Variants in SGCZ observed in about 807,000 individuals in gnomAD.
SGCZ encodes the protein sarcoglycan zeta, also known as zeta-sarcoglycan.
SGCZ carries 40 observed loss-of-function variants against 41.3 expected under a neutral mutation model. The ratio of observed to expected loss-of-function variants is 0.97; its 90% CI spans 0.75 to 1.26. The LOEUF (loss-of-function observed/expected upper bound fraction) is 1.26. SGCZ is among the 50% of genes most tolerant of loss of function. The probability of loss-of-function intolerance (pLI) is 0.00; values close to 1 mark genes in which losing one functional copy is unlikely to be tolerated. For missense variants in SGCZ, 552 were observed against 369.8 expected (o/e 1.49, Z -4.04); for synonymous variants, 206 against 137.5 (o/e 1.50, Z -3.49).
At chr8:14,397,355 A>C (rs954300487) in intron 2 of SGCZ, among the ~76,000 whole-genome samples, 3 of 152,186 alleles carry the variant, frequency 2.0e-5, no homozygotes, top group African/African-American at 7.2e-5. Flanking sequence ...CTTCCCAATT[A>C]AAATAAATAT....
intron 4 of SGCZ, among the ~76,000 whole-genome samples, chr8:14,199,121 T>C (rs1006910295): frequency 1.3e-5 from 2 of 152,202 alleles, no homozygotes; most frequent in Admixed American, 1.3e-4. Flanking sequence ...AACAGAGCCA[T>C]ATTTCTCTTC....
intron 5 of SGCZ, among the ~76,000 whole-genome samples, chr8:14,137,806 T>G (rs186171106): frequency 6.6e-6 from 1 of 152,202 alleles, no homozygotes; most frequent in African/African-American, 2.4e-5. Flanking sequence ...CAGACCAACA[T>G]TGAAATTCAG....
intron 4 of SGCZ, among the ~76,000 whole-genome samples, chr8:14,177,179 T>C (rs1804568802): frequency 6.6e-6 from 1 of 152,048 alleles, no homozygotes; most frequent in Admixed American, 6.5e-5. Flanking sequence ...CAGATGAGTA[T>C]GGGGACACTT....
intron 1 of SGCZ, among the ~76,000 whole-genome samples, chr8:14,821,856 T>C (rs1014222520): frequency 1.3e-5 from 2 of 152,074 alleles, no homozygotes; most frequent in East Asian, 1.9e-4. Flanking sequence ...GCTACTATCA[T>C]ACCGAATGGG....
chr8:14,242,022 G>C (rs930702685), intron 3 of SGCZ, among the ~76,000 whole-genome samples: 2 of 152,184 alleles, frequency 1.3e-5, no homozygotes, highest in Non-Finnish European at 2.9e-5. Context: ...AAAAGAGAAA[G>C]AAAGGAGACA....
chr8:14,192,764 A>G (rs938709603), intron 4 of SGCZ, among the ~76,000 whole-genome samples: 1 of 152,056 alleles, frequency 6.6e-6, no homozygotes, highest in Non-Finnish European at 1.5e-5. Context: ...AAAACAATGG[A>G]AAGTTTTCAT....
intron 2 of SGCZ, among the ~76,000 whole-genome samples, chr8:14,433,472 C>A (rs1042801432): frequency 2.0e-5 from 3 of 152,058 alleles, no homozygotes; most frequent in African/African-American, 7.2e-5. Flanking sequence ...AGGAAAAAAT[C>A]ATCAACTCTA....
intron 2 of SGCZ, among the ~76,000 whole-genome samples, chr8:14,417,618 A>G (rs1220990065): frequency 6.6e-6 from 1 of 151,874 alleles, no homozygotes; most frequent in South Asian, 2.1e-4. Flanking sequence ...AATATTTACA[A>G]TATTTTGAAT....
At chr8:14,809,096 G>GGGT in intron 1 of SGCZ, among the ~76,000 whole-genome samples, 1 of 141,628 alleles carries the variant, frequency 7.1e-6, no homozygotes, top group Non-Finnish European at 1.5e-5. Flanking sequence ...GGGTGGAGGG[G>GGGT]GGAGGGATAG....
intron 1 of SGCZ, among the ~76,000 whole-genome samples, chr8:14,739,222 G>A (rs904203333): frequency 6.6e-6 from 1 of 151,862 alleles, no homozygotes; most frequent in Non-Finnish European, 1.5e-5. Context: ...ATGATAAAGG[G>A]CTGGTTCATA....
At chr8:14,394,004 C>A (rs953126605) in intron 2 of SGCZ, among the ~76,000 whole-genome samples, 6 of 152,044 alleles carry the variant, frequency 3.9e-5, no homozygotes, top group Non-Finnish European at 2.9e-5. Context: ...AGCACCTTTT[C>A]TTGAAAGTAA....
chr8:15,033,450 G>T (rs530504690), intron 1 of SGCZ, among the ~76,000 whole-genome samples: 78 of 152,118 alleles, frequency 5.1e-4, no homozygotes, highest in African/African-American at 1.8e-3. Context: ...TGGCCCCAGG[G>T]TCCAGGCAGG....
chr8:14,265,548 C>T (rs1340732840), intron 3 of SGCZ, among the ~76,000 whole-genome samples: 2 of 151,982 alleles, frequency 1.3e-5, no homozygotes, highest in Admixed American at 6.6e-5. Context: ...GAAACAGCTA[C>T]AAGAACAGAT....
intron 2 of SGCZ, among the ~76,000 whole-genome samples, chr8:14,473,339 G>A (rs1230306012): frequency 6.6e-6 from 1 of 151,990 alleles, no homozygotes; most frequent in Non-Finnish European, 1.5e-5. Context: ...TCCTCCATAT[G>A]CTGTTGCATT....
At chr8:15,154,764 ACAGT>A (rs1309713744) in intron 1 of SGCZ, among the ~76,000 whole-genome samples, 4 of 152,214 alleles carry the variant, frequency 2.6e-5, no homozygotes, top group Admixed American at 6.5e-5. Flanking sequence ...TTCGACTGAG[ACAGT>A]CAGTCAAGAC....
intron 2 of SGCZ, among the ~76,000 whole-genome samples, chr8:14,401,784 G>A (rs540714348): frequency 0.033 from 4,967 of 149,752 alleles, 257 homozygotes; most frequent in African/African-American, 0.12. Context: ...ATGATTTATA[G>A]TCCTTTGGGT....
intron 1 of SGCZ, among the ~76,000 whole-genome samples, chr8:14,959,110 G>A (rs1800884312): frequency 6.6e-6 from 1 of 152,040 alleles, no homozygotes; most frequent in Admixed American, 6.6e-5. Context: ...ACTTTAGACA[G>A]ATTTCAAAGA....
At chr8:14,733,031 GGAC>G (rs1343584231) in intron 1 of SGCZ, among the ~76,000 whole-genome samples, 1 of 152,004 alleles carries the variant, frequency 6.6e-6, no homozygotes, top group Non-Finnish European at 1.5e-5. Context: ...GTGCTCTCAG[GGAC>G]GCTCAGGGTT....
intron 1 of SGCZ, among the ~76,000 whole-genome samples, chr8:14,976,298 C>T (rs893862171): frequency 1.3e-5 from 2 of 151,898 alleles, no homozygotes; most frequent in Non-Finnish European, 2.9e-5. Flanking sequence ...GCTAGGATTA[C>T]AGGTGTCAGC....
Sources: gnomAD v4.1 joint callset for allele counts (sites outside exome capture counted in the v4.1 genomes callset) on GRCh38, gnomAD v4.1.1 for gene constraint, MANE v1.5 for transcripts, NCBI Gene and HGNC (gene_info 2026-07-23, HGNC 2026-07-21) for gene names.